ZNF516: variants seen among roughly 807,000 people sequenced by gnomAD.
ZNF516 encodes the protein zinc finger protein 516.
In ZNF516, 19 loss-of-function variants were observed where a neutral mutation model predicts 79.7. The ratio of observed to expected loss-of-function variants is 0.24; its 90% confidence interval spans 0.17 to 0.35. ZNF516 has a LOEUF of 0.35. Among genes scored for constraint, ZNF516 ranks in the 10% least tolerant of loss-of-function variants. The pLI is 1.00. For missense variants in ZNF516, 1,678 were observed against 1,679.5 expected (o/e 1.00, Z 0.02); for synonymous variants, 877 against 739.5 (o/e 1.19, Z -3.02).
chr18:76,408,458 A>T (rs1284261612), intron 3 of ZNF516, among the ~76,000 whole-genome samples: 1 of 152,182 alleles, frequency 6.6e-6, no homozygotes, highest in African/African-American at 2.4e-5. Context: ...AATTAAGAAG[A>T]AGTGCATGGC....
chr18:76,434,645 C>T (rs1478983127), intron 3 of ZNF516, among the ~76,000 whole-genome samples: 2 of 152,238 alleles, frequency 1.3e-5, no homozygotes, highest in Non-Finnish European at 2.9e-5. Context: ...GGCCTGCGTA[C>T]AACATGGGCA....
At chr18:76,372,223 C>T (rs1180115187) in intron 4 of ZNF516, among the ~76,000 whole-genome samples, 1 of 152,268 alleles carries the variant, frequency 6.6e-6, no homozygotes, top group African/African-American at 2.4e-5. Context: ...TGCCACATCC[C>T]TGCACTCAAA....
intron 1 of ZNF516, chr18:76,490,663 A>G (rs1482648045): frequency 5.2e-6 from 3 of 577,524 alleles, no homozygotes; most frequent in Non-Finnish European, 6.6e-6. Context: ...AACGTACATC[A>G]CTCAGCTTTT....
At chr18:76,472,481 A>C (rs541879997) in intron 1 of ZNF516, among the ~76,000 whole-genome samples, 1 of 152,378 alleles carries the variant, frequency 6.6e-6, no homozygotes, top group Non-Finnish European at 1.5e-5. Context: ...ATATACACGT[A>C]CACTCAGGCA....
chr18:76,473,911 G>C (rs1301130390), intron 1 of ZNF516, among the ~76,000 whole-genome samples: 2 of 120,550 alleles, frequency 1.7e-5, no homozygotes, highest in East Asian at 2.7e-4. Context: ...TGTGGGGGGG[G>C]GGGGGGCTTT....
intron 6 of ZNF516, among the ~76,000 whole-genome samples, chr18:76,367,458 T>C (rs1329748231): frequency 6.6e-6 from 1 of 152,194 alleles, no homozygotes; most frequent in Non-Finnish European, 1.5e-5. Context: ...ATTCAGAGTC[T>C]CAACAAGGAG....
chr18:76,494,195 T>A (rs937980513), intron 1 of ZNF516, among the ~76,000 whole-genome samples: 3 of 152,180 alleles, frequency 2.0e-5, no homozygotes, highest in Admixed American at 6.5e-5. Context: ...ACAAACTTAT[T>A]CATACAAAGT....
In ZNF516 at chr18:76,360,632, T is replaced by TAAAAAAAAAAAAAAAAAAAAAAAAAAAA. The variant is rs776977927; in HGVS notation, c.*1865_*1866insTTTTTTTTTTTTTTTTTTTTTTTTTTTT. 1 of 25,718 alleles carries TAAAAAAAAAAAAAAAAAAAAAAAAAAAA rather than the reference T, an allele frequency of 3.9e-5. No individual in the cohort carries two copies. Among genetic ancestry groups the TAAAAAAAAAAAAAAAAAAAAAAAAAAAA allele is most frequent in the Non-Finnish European group, 7.3e-5 (1 of 13,672 alleles). The allele number at this position is 25,718 out of a possible 1,614,324, so 1.6% of individuals were successfully genotyped here. A position where few individuals can be genotyped will look rare whatever the true frequency, so the allele number is the denominator to read the frequency against. ...TGTAAGAATATCAGAAAAAAATAAG[T>TAAAAAAAAAAAAAAAAAAAAAAAAAAAA]AAAAAAAAAAAAAAATATATATATA... On this transcript the variant is annotated 3_prime_UTR_variant, in exon 7 of 7. Transcript: ENST00000443185.
chr18:76,381,857 C>A (rs993986933), intron 3 of ZNF516, among the ~76,000 whole-genome samples: 34 of 152,248 alleles, frequency 2.2e-4, no homozygotes, highest in African/African-American at 8.0e-4. Flanking sequence ...CAAGGCTGGA[C>A]ACAGTGGCTT....
intron 4 of ZNF516, among the ~76,000 whole-genome samples, chr18:76,372,303 G>A (rs1555696162): frequency 2.0e-5 from 3 of 152,230 alleles, no homozygotes; most frequent in Admixed American, 6.5e-5. Flanking sequence ...TGCAGAGAGC[G>A]TTTATTTGTC....
At chr18:76,448,983 T>C (rs766935573) in intron 2 of ZNF516, among the ~76,000 whole-genome samples, 1 of 152,168 alleles carries the variant, frequency 6.6e-6, no homozygotes, top group Non-Finnish European at 1.5e-5. Context: ...GGAACCACAC[T>C]GGTGTGGCTT....
At chr18:76,363,551 TA>T (rs1313927002) in intron 6 of ZNF516, among the ~76,000 whole-genome samples, 1 of 152,264 alleles carries the variant, frequency 6.6e-6, no homozygotes, top group East Asian at 1.9e-4. Context: ...TACGAGGGGT[TA>T]GGGGGTGGGC....
intron 2 of ZNF516, among the ~76,000 whole-genome samples, chr18:76,446,548 C>A (rs1032814690): frequency 3.9e-5 from 6 of 152,350 alleles, no homozygotes; most frequent in Admixed American, 2.0e-4. Flanking sequence ...CCAATCCTTG[C>A]ACAGCCTTGA....
intron 3 of ZNF516, among the ~76,000 whole-genome samples, chr18:76,419,545 T>C (rs1474953012): frequency 6.6e-6 from 1 of 152,242 alleles, no homozygotes; most frequent in Non-Finnish European, 1.5e-5. Context: ...CATCTTGAAC[T>C]GTAGCTCCAT....
chr18:76,390,435 G>A (rs544645312), intron 3 of ZNF516, among the ~76,000 whole-genome samples: 42 of 152,294 alleles, frequency 2.8e-4, no homozygotes, highest in South Asian at 2.1e-3. Context: ...CACCTGTTGC[G>A]GGGTGGAGCA....
intron 3 of ZNF516, among the ~76,000 whole-genome samples, chr18:76,432,205 C>T (rs2075669667): frequency 1.3e-5 from 2 of 152,276 alleles, no homozygotes; most frequent in African/African-American, 4.8e-5. Flanking sequence ...AGCACCTGCC[C>T]TCCTCCGCAG....
intron 4 of ZNF516, 137 bp downstream of exon 4, chr18:76,378,718 C>A: frequency 7.7e-7 from 1 of 1,306,112 alleles, no homozygotes; most frequent in Non-Finnish European, 1.0e-6. Flanking sequence ...GAGCAGCTCT[C>A]AGCTCAGCAG....
intron 1 of ZNF516, chr18:76,492,255 G>A: frequency 1.0e-6 from 1 of 985,460 alleles, no homozygotes; most frequent in Non-Finnish European, 1.2e-6. Flanking sequence ...GCTCAGGTCG[G>A]GTCCGTACGC....
intron 3 of ZNF516, among the ~76,000 whole-genome samples, chr18:76,390,181 C>T (rs914081272): frequency 7.9e-5 from 12 of 152,148 alleles, no homozygotes; most frequent in African/African-American, 2.4e-4. Context: ...ATTGAGTATG[C>T]GCTAAGGTTT....
Sources: allele counts gnomAD v4.1 joint callset (sites outside exome capture counted in the v4.1 genomes callset), GRCh38; gene constraint gnomAD v4.1.1; transcripts MANE v1.5; gene names NCBI Gene and HGNC (gene_info 2026-07-23, HGNC 2026-07-21).